RARB: variants seen among roughly 807,000 people sequenced by gnomAD.
RARB encodes retinoic acid receptor beta.
RARB carries 17 observed loss-of-function variants against 51.9 expected under a neutral mutation model. The ratio of observed to expected loss-of-function variants is 0.33; its 90% confidence interval spans 0.22 to 0.49. RARB has a LOEUF of 0.49. RARB is among the 20% of genes least tolerant of loss of function. RARB has a pLI of 0.99. For missense variants in RARB, 369 were observed against 550.8 expected (o/e 0.67, Z 3.30); for synonymous variants, 215 against 195.4 (o/e 1.10, Z -0.84).
At chr3:24,842,084 G>A (rs941334725) in intron 1 of RARB, among the ~76,000 whole-genome samples, 5 of 152,064 alleles carry the variant, frequency 3.3e-5, no homozygotes, top group African/African-American at 4.8e-5. Context: ...TTTCTATTGA[G>A]CAACATTCCT....
At chr3:25,530,027 G>T (rs917758073) in intron 3 of RARB, among the ~76,000 whole-genome samples, 10 of 151,978 alleles carry the variant, frequency 6.6e-5, no homozygotes, top group Admixed American at 3.3e-4. Flanking sequence ...CCACGGACCC[G>T]TGGCTGCCTC....
intron 2 of RARB, among the ~76,000 whole-genome samples, chr3:24,880,568 G>T (rs1011334674): frequency 1.3e-5 from 2 of 152,046 alleles, no homozygotes; most frequent in African/African-American, 4.8e-5. Flanking sequence ...TAGACCCATG[G>T]TTCTCAACAT....
At chr3:25,524,411 C>A (rs1318266157) in intron 3 of RARB, among the ~76,000 whole-genome samples, 2 of 152,110 alleles carry the variant, frequency 1.3e-5, no homozygotes, top group Non-Finnish European at 2.9e-5. Flanking sequence ...TAATCAGAAC[C>A]TTTCTCCAAC....
At chr3:25,284,878 C>A (rs865806517) in intron 5 of RARB, among the ~76,000 whole-genome samples, 1 of 152,160 alleles carries the variant, frequency 6.6e-6, no homozygotes, top group Admixed American at 6.5e-5. Flanking sequence ...GGGCTCGCTG[C>A]AGACTTGAGT....
intron 5 of RARB, among the ~76,000 whole-genome samples, chr3:25,210,997 C>T (rs919669269): frequency 1.3e-5 from 2 of 152,082 alleles, no homozygotes; most frequent in Non-Finnish European, 2.9e-5. Context: ...GCCTCAGTTT[C>T]CTCATTGTGA....
In RARB at chr3:25,154,418, C is replaced by T. The variant is rs562448397; in HGVS notation, c.-279-19701C>T. Among the ~76,000 whole-genome samples, 10 of 152,290 alleles carry T rather than the reference C, an allele frequency of 6.6e-5. No individual in the cohort carries two copies. The East Asian group carries it at 1.9e-3, about 29-fold the overall frequency. On this transcript the variant is annotated intron_variant, in intron 4 of 11. Coordinates refer to the RARB transcript ENST00000383772. The stretch of plus-strand genomic sequence containing the variant: ...TCTATGTCTTATTCTATCTGTGCTA[C>T]CCTCATTAATGTTCTTTGGATTCAT...
At chr3:25,382,793 G>A (rs1405042914) in intron 5 of RARB, among the ~76,000 whole-genome samples, 1 of 152,188 alleles carries the variant, frequency 6.6e-6, no homozygotes, top group Non-Finnish European at 1.5e-5. Context: ...TGGAGGCAGA[G>A]GTTGCAGTGA....
At chr3:25,464,776 G>A (rs1430303847) in intron 2 of RARB, among the ~76,000 whole-genome samples, 1 of 152,094 alleles carries the variant, frequency 6.6e-6, no homozygotes, top group Non-Finnish European at 1.5e-5. Flanking sequence ...GGGAACCCCT[G>A]TAAAACTCAG....
chr3:25,568,959 C>T (rs1417855277), intron 3 of RARB, among the ~76,000 whole-genome samples: 7 of 152,230 alleles, frequency 4.6e-5, no homozygotes, highest in Admixed American at 3.9e-4. Context: ...GGAGGAAGCA[C>T]GGGCTTCCAT....
rs141889167 is a variant in RARB, at chr3:25,109,929, C to A, written c.-327-22232C>A. ...CCTGTAGGCTCCTGTTATAAGAATTCCAACTTCATCCCTTTGCTTCCCATC... is the reference window on the plus strand; with the variant it reads ...CCTGTAGGCTCCTGTTATAAGAATTACAACTTCATCCCTTTGCTTCCCATC... On this transcript the variant is annotated intron_variant, in intron 3 of 11. Transcript: ENST00000383772. Among the ~76,000 whole-genome samples, 12 of 152,354 alleles carry A rather than the reference C, an allele frequency of 7.9e-5. No homozygotes were observed. The East Asian group carries it at 2.3e-3, about 29-fold the overall frequency.
At chr3:25,156,516 C>CGAAA (rs1700376618) in intron 4 of RARB, among the ~76,000 whole-genome samples, 1 of 56,812 alleles carries the variant, frequency 1.8e-5, no homozygotes, top group African/African-American at 7.4e-5. Flanking sequence ...GCCCCAACTG[C>CGAAA]AAAAAAAAAA....
intron 3 of RARB, among the ~76,000 whole-genome samples, chr3:25,560,256 A>G (rs2125677884): frequency 6.6e-6 from 1 of 152,314 alleles, no homozygotes; most frequent in East Asian, 1.9e-4. Flanking sequence ...AATGCTGTAA[A>G]GTGAGGTTTT....
chr3:25,070,841 C>G (rs1698752597), intron 3 of RARB, among the ~76,000 whole-genome samples: 1 of 152,206 alleles, frequency 6.6e-6, no homozygotes, highest in Admixed American at 6.5e-5. Context: ...CCATCTACAA[C>G]TTTAACATGC....
intron 1 of RARB, among the ~76,000 whole-genome samples, chr3:25,457,350 A>G (rs995360596): frequency 6.6e-6 from 1 of 152,230 alleles, no homozygotes; most frequent in Non-Finnish European, 1.5e-5. Context: ...ACTCAGCCAA[A>G]CAAATGATTG....
intron 2 of RARB, among the ~76,000 whole-genome samples, chr3:24,872,369 CT>C (rs554234769): frequency 1.3e-5 from 2 of 152,276 alleles, no homozygotes; most frequent in South Asian, 4.1e-4. Flanking sequence ...TCTGTCAAGT[CT>C]TCACACAAAT....
intron 2 of RARB, among the ~76,000 whole-genome samples, chr3:24,984,157 G>A (rs1453608739): frequency 2.0e-5 from 3 of 152,120 alleles, no homozygotes; most frequent in South Asian, 4.1e-4. Context: ...GCTAAGCCAA[G>A]CAAAAGGGAA....
chr3:24,896,456 T>A (rs1476965904), intron 2 of RARB, among the ~76,000 whole-genome samples: 1 of 152,110 alleles, frequency 6.6e-6, no homozygotes, highest in Non-Finnish European at 1.5e-5. Context: ...AGACAGGGTT[T>A]CACAGTGTTA....
intron 2 of RARB, among the ~76,000 whole-genome samples, chr3:24,882,169 A>G (rs1480083407): frequency 6.6e-6 from 1 of 152,222 alleles, no homozygotes; most frequent in Non-Finnish European, 1.5e-5. Context: ...ATTAAAATCA[A>G]TAGCAATATA....
At chr3:25,298,533 G>T (rs1032924761) in intron 5 of RARB, among the ~76,000 whole-genome samples, 2 of 152,140 alleles carry the variant, frequency 1.3e-5, no homozygotes, top group Non-Finnish European at 2.9e-5. Flanking sequence ...TTGTGTGTCT[G>T]TGTTTCAGAA....
Sources: allele counts gnomAD v4.1 joint callset (sites outside exome capture counted in the v4.1 genomes callset), GRCh38; gene constraint gnomAD v4.1.1; transcripts MANE v1.5; gene names NCBI Gene and HGNC (gene_info 2026-07-23, HGNC 2026-07-21).